DIAPH1: variants seen among roughly 807,000 people sequenced by gnomAD.
DIAPH1 encodes the protein diaphanous related formin 1, also known as protein diaphanous homolog 1.
DIAPH1 carries 46 observed loss-of-function variants against 140.7 expected under a neutral mutation model. The ratio of observed to expected loss-of-function variants is 0.33; its 90% confidence interval spans 0.26 to 0.42. The LOEUF (loss-of-function observed/expected upper bound fraction) is 0.42. DIAPH1 is among the 10% of genes least tolerant of loss of function. The probability of loss-of-function intolerance (pLI) is 1.00; values close to 1 mark genes in which losing one functional copy is unlikely to be tolerated. For missense variants in DIAPH1, 1,310 were observed against 1,558.7 expected (o/e 0.84, Z 2.69); for synonymous variants, 565 against 551.6 (o/e 1.02, Z -0.34).
chr5:141,527,193 T>A (rs2099887481), intron 24 of DIAPH1, among the ~76,000 whole-genome samples: 2 of 152,078 alleles, frequency 1.3e-5, no homozygotes, highest in Non-Finnish European at 2.9e-5. Flanking sequence ...AACAATGGAA[T>A]GCTCTCAGGA....
At chr5:141,548,896 T>G (rs2099891249) in intron 18 of DIAPH1, among the ~76,000 whole-genome samples, 1 of 152,178 alleles carries the variant, frequency 6.6e-6, no homozygotes, top group Admixed American at 6.5e-5. Context: ...CTATCATAAG[T>G]CAAGTATGTA....
chr5:141,527,556 CT>C lies in DIAPH1; in HGVS notation c.3273+16del, dbSNP rs752369159. 1 of 1,613,564 alleles carries C rather than the reference CT, an allele frequency of 6.2e-7. No homozygotes were observed. The highest frequency in any genetic ancestry group is 8.5e-7 in the Non-Finnish European group (1 of 1,179,836). On this transcript the variant is annotated intron_variant, in intron 24 of 27. Transcript: ENST00000389054. ...TCCCTTCCTAGGGAACAACTCCCTC[CT>C]TTCAAGAGAGGATATGGTCATTTTT... is the stretch of plus-strand genomic sequence containing the variant.
chr5:141,580,543 C>T (rs1190486748), intron 8 of DIAPH1, among the ~76,000 whole-genome samples: 1 of 151,886 alleles, frequency 6.6e-6, no homozygotes, highest in Non-Finnish European at 1.5e-5. Flanking sequence ...CCTCTGATGA[C>T]CAGTGGAACA....
chr5:141,546,547 T>C (rs1245394360), intron 18 of DIAPH1, among the ~76,000 whole-genome samples: 4 of 151,772 alleles, frequency 2.6e-5, no homozygotes, highest in Non-Finnish European at 4.4e-5. Context: ...TCCCAGCTAC[T>C]TGAGAGGCTG....
chr5:141,611,680 T>C (rs1320383327), intron 1 of DIAPH1, among the ~76,000 whole-genome samples: 1 of 151,972 alleles, frequency 6.6e-6, no homozygotes, highest in Non-Finnish European at 1.5e-5. Flanking sequence ...AGATAGCAAA[T>C]GGGCAAAATC....
At chr5:141,520,753 G>A (rs2099886400) in intron 27 of DIAPH1, among the ~76,000 whole-genome samples, 1 of 152,156 alleles carries the variant, frequency 6.6e-6, no homozygotes, top group South Asian at 2.1e-4. Flanking sequence ...AGGTATGAAA[G>A]AATATTTCCG....
intron 7 of DIAPH1, 110 bp downstream of exon 7, chr5:141,582,202 A>G (rs1359031419): frequency 2.5e-6 from 2 of 807,086 alleles, no homozygotes; most frequent in African/African-American, 1.7e-5. Context: ...CTAAAAGAGA[A>G]AGCTAGAAGT....
intron 1 of DIAPH1, among the ~76,000 whole-genome samples, chr5:141,596,429 C>T (rs546227498): frequency 6.6e-6 from 1 of 152,028 alleles, no homozygotes; most frequent in South Asian, 2.1e-4. Flanking sequence ...GCTGAGCCCC[C>T]AGAGGTTGCA....
chr5:141,548,507 T>C (rs952338551), intron 18 of DIAPH1, among the ~76,000 whole-genome samples: 1 of 152,150 alleles, frequency 6.6e-6, no homozygotes, highest in South Asian at 2.1e-4. Flanking sequence ...AAAGTAACAG[T>C]AAAAATATTT....
At chr5:141,517,065 A>T in intron 27 of DIAPH1, 57 bp from the exon 28 acceptor site, 1 of 1,601,094 alleles carries the variant, frequency 6.2e-7, no homozygotes, top group Non-Finnish European at 8.5e-7. Context: ...AATTTCTTTC[A>T]AACTCTACAG....
chr5:141,547,415 A>G (rs2099890967), intron 18 of DIAPH1, among the ~76,000 whole-genome samples: 1 of 152,212 alleles, frequency 6.6e-6, no homozygotes, highest in Admixed American at 6.5e-5. Context: ...CAGTGAGCCA[A>G]GATCGCGGCA....
chr5:141,525,500 CAG>C (rs942362161), intron 26 of DIAPH1, among the ~76,000 whole-genome samples: 5 of 152,084 alleles, frequency 3.3e-5, no homozygotes, highest in Non-Finnish European at 7.4e-5. Context: ...GGTAGTGAAA[CAG>C]AGATTCTGCT....
intron 1 of DIAPH1, among the ~76,000 whole-genome samples, chr5:141,592,544 T>C (rs1465028836): frequency 6.6e-6 from 1 of 152,146 alleles, no homozygotes; most frequent in East Asian, 1.9e-4. Context: ...TCCAGGGAGA[T>C]AAATGCTACT....
Position 141,516,890 on chromosome 5 carries a change from G to A in DIAPH1, c.3780C>T (p.Ile1260=). Residue 1260 remains isoleucine (I), a synonymous_variant, in exon 28 of 28, where the codon ATC becomes ATT. Coordinates refer to ENST00000389054, the MANE Select transcript of DIAPH1 (RefSeq NM_005219.5). ...CAACCAACTCCTTGGCTTCCTCAAG[G>A]ATTGTGGGGAATGTCTCACTGTTCT... ...VSKNSETFPT[I]LEEAKELVGR... The A allele has an allele frequency of 6.2e-7, 1 of 1,614,242 alleles. No homozygotes were observed.
At position 141,565,946 on chromosome 5, in the gene DIAPH1, A is replaced by G. The variant is rs192770525; in HGVS notation, c.2482+5482T>C. Among the ~76,000 whole-genome samples the G allele has an allele frequency of 7.5e-3, 1,149 of 152,342 alleles. 18 individuals carry two copies. The highest frequency in any genetic ancestry group is 0.026 in the African/African-American group (1,091 of 41,574). On this transcript the variant is annotated intron_variant, in intron 18 of 27. Coordinates refer to ENST00000389054, the MANE Select transcript of DIAPH1 (RefSeq NM_005219.5). This position sits in a 1 kb window ranked among gnomAD's most constrained non-coding sequence, Gnocchi z 4.3. ...TTGCACAGCTACAGGAGCAGGACAA[A>G]GACAGAAAAGGAATTAACCGGGATT...
chr5:141,576,796 G>T lies in DIAPH1; in HGVS notation c.1356C>A (p.Phe452Leu). Reference sequence around the variant, plus strand: ...TCTCAATCTGGAGGTGCCGGCACTTGAAGTCAGGATCAGCCCCGTTCTTGT... The same window carrying T: ...TCTCAATCTGGAGGTGCCGGCACTTTAAGTCAGGATCAGCCCCGTTCTTGT... ...VLHKNGADPD[F>L]KCRHLQIEIE... The change falls in exon 13 of 28, where the codon TTC becomes TTA. Residue 452 changes from phenylalanine to leucine, a missense_variant. Coordinates refer to ENST00000389054, the MANE Select transcript of DIAPH1 (RefSeq NM_005219.5). The T allele has an allele frequency of 8.1e-6, 13 of 1,613,970 alleles. No homozygotes were observed. Among genetic ancestry groups the T allele is most frequent in the Non-Finnish European group, 1.1e-5 (13 of 1,179,870 alleles).
intron 27 of DIAPH1, among the ~76,000 whole-genome samples, chr5:141,519,535 T>C (rs1323192291): frequency 6.6e-6 from 1 of 152,204 alleles, no homozygotes; most frequent in Non-Finnish European, 1.5e-5. Context: ...CTTTCTGTGG[T>C]TTCTTCCTCC....
intron 14 of DIAPH1, among the ~76,000 whole-genome samples, chr5:141,575,962 A>G (rs2099895910): frequency 6.6e-6 from 1 of 152,182 alleles, no homozygotes; most frequent in African/African-American, 2.4e-5. Flanking sequence ...TGAGAGTGCC[A>G]TTACTATTAC....
chr5:141,613,374 T>C (rs1238072220), intron 1 of DIAPH1, among the ~76,000 whole-genome samples: 1 of 152,206 alleles, frequency 6.6e-6, no homozygotes, highest in African/African-American at 2.4e-5. Flanking sequence ...CTGTTCCTTT[T>C]ATATAATCTC....
Sources: gnomAD v4.1 joint callset for allele counts (sites outside exome capture counted in the v4.1 genomes callset) on GRCh38, gnomAD v4.1.1 for gene constraint, Gnocchi (gnomAD v3.1) non-coding constraint, MANE v1.5 for transcripts, NCBI Gene and HGNC (gene_info 2026-07-23, HGNC 2026-07-21) for gene names.